Variants in COL24A1 observed in about 807,000 individuals in gnomAD.
COL24A1 encodes the protein collagen alpha-1(XXIV) chain.
Under a neutral mutation model 253.9 loss-of-function variants are expected in COL24A1, and 224 were observed. The observed-to-expected ratio is 0.88, with a 90% CI of 0.79 to 0.99. The LOEUF is 0.99. Ranked by LOEUF, COL24A1 falls within the 50% of genes least tolerant of loss-of-function variation. The pLI is 0.00. For synonymous variants in COL24A1, 685 were observed against 673.7 expected, an observed-to-expected ratio of 1.02 and a Z score of -0.26; for missense variants, 2,131 against 2,068.5, an observed-to-expected ratio of 1.03 and a Z score of -0.59.
At chr1:85,997,217 C>T (rs969075804) in intron 19 of COL24A1, among the ~76,000 whole-genome samples, 8 of 151,342 alleles carry the variant, frequency 5.3e-5, no homozygotes, top group Middle Eastern at 3.4e-3. Flanking sequence ...AAGGAGAGTG[C>T]ATTTTCAGCT....
chr1:86,010,340 T>C (rs1188501187), intron 19 of COL24A1, among the ~76,000 whole-genome samples: 1 of 152,144 alleles, frequency 6.6e-6, no homozygotes, highest in African/African-American at 2.4e-5. Flanking sequence ...ATTTCCCTAA[T>C]ACCCAAATAA....
intron 53 of COL24A1, among the ~76,000 whole-genome samples, chr1:85,773,204 C>A (rs151259650): frequency 0.029 from 4,380 of 152,114 alleles, 209 homozygotes; most frequent in African/African-American, 0.1. Flanking sequence ...ATTTCTGAGG[C>A]CTCCGTTCTG....
chr1:85,968,640 C>A (rs537585388), intron 22 of COL24A1, among the ~76,000 whole-genome samples: 56 of 152,170 alleles, frequency 3.7e-4, no homozygotes, highest in Admixed American at 1.0e-3. Flanking sequence ...TAGATTTTTT[C>A]TATGATATTT....
chr1:85,816,485 A>G (rs1673049460), intron 47 of COL24A1, among the ~76,000 whole-genome samples: 1 of 152,250 alleles, frequency 6.6e-6, no homozygotes, highest in Non-Finnish European at 1.5e-5. Flanking sequence ...AACTCAAAGT[A>G]CAGCCAGGTT....
intron 33 of COL24A1, among the ~76,000 whole-genome samples, chr1:85,876,318 G>A (rs951312238): frequency 6.6e-6 from 1 of 152,094 alleles, no homozygotes; most frequent in African/African-American, 2.4e-5. Flanking sequence ...AGAAGAAGGA[G>A]TCTAGGATGA....
intron 31 of COL24A1, among the ~76,000 whole-genome samples, chr1:85,894,699 A>G (rs1373201949): frequency 6.6e-6 from 1 of 152,134 alleles, no homozygotes; most frequent in East Asian, 1.9e-4. Flanking sequence ...GAATATTAAA[A>G]CTCAAGTAAT....
chr1:85,968,994 A>T (rs1691845826), intron 22 of COL24A1, among the ~76,000 whole-genome samples: 1 of 152,168 alleles, frequency 6.6e-6, no homozygotes, highest in Non-Finnish European at 1.5e-5. Context: ...TGTTTTCAGG[A>T]TTAAAGATGA....
chr1:86,152,936 C>G (rs935088961), intron 1 of COL24A1, among the ~76,000 whole-genome samples: 1 of 152,144 alleles, frequency 6.6e-6, no homozygotes. Flanking sequence ...AAAGTCAAGT[C>G]TCCCCAACCT....
In COL24A1 at chr1:85,744,573, C is replaced by A. The variant is rs1570426988; in HGVS notation, c.4672+93G>T. 2.7e-6 allele frequency: 3 copies of A among 1,091,764 alleles called. No homozygotes were observed. In the East Asian group the frequency reaches 7.3e-5, roughly 27 times the overall value. 67.6% of individuals were successfully genotyped at this position (1,091,764 alleles called of 1,614,324 possible). A position where few individuals can be genotyped will look rare whatever the true frequency, so the allele number is the denominator to read the frequency against. ...TTCTGCCAGGGTTTTATCAAACTAACTATGATTTGGAGTGAACACATTACA... is the reference window on the plus strand; with the variant it reads ...TTCTGCCAGGGTTTTATCAAACTAAATATGATTTGGAGTGAACACATTACA... On this transcript the variant is annotated intron_variant, in intron 57 of 59. Transcript: ENST00000370571.
At chr1:85,867,477 T>C (rs751503560) in intron 37 of COL24A1, among the ~76,000 whole-genome samples, 1 of 152,148 alleles carries the variant, frequency 6.6e-6, no homozygotes, top group Non-Finnish European at 1.5e-5. Context: ...AAAGGCAGAA[T>C]AAAACTGCCA....
At chr1:86,141,660 C>T (rs1038928272) in intron 2 of COL24A1, among the ~76,000 whole-genome samples, 12 of 152,018 alleles carry the variant, frequency 7.9e-5, no homozygotes, top group African/African-American at 2.9e-4. Context: ...GTTAACTAGC[C>T]TACCCATGCA....
chr1:86,130,564 C>G (rs1002784268), intron 2 of COL24A1, among the ~76,000 whole-genome samples: 1 of 151,794 alleles, frequency 6.6e-6, no homozygotes, highest in Non-Finnish European at 1.5e-5. Context: ...TCTATTAATT[C>G]TTTCCTTTAC....
chr1:85,902,006 T>G (rs1464755017), intron 28 of COL24A1, among the ~76,000 whole-genome samples: 1 of 152,038 alleles, frequency 6.6e-6, no homozygotes, highest in Non-Finnish European at 1.5e-5. Flanking sequence ...GACAAATGGA[T>G]AAATAAAGTG....
At chr1:86,150,674 A>C (rs1652637691) in intron 1 of COL24A1, among the ~76,000 whole-genome samples, 1 of 152,190 alleles carries the variant, frequency 6.6e-6, no homozygotes, top group Admixed American at 6.5e-5. Flanking sequence ...GAGCCAAACC[A>C]TTATTGTATA....
At position 86,112,643 on chromosome 1, in the gene COL24A1, T is replaced by C. The variant is rs763159846; in HGVS notation, c.1546-23A>G. The stretch of plus-strand genomic sequence containing the variant: ...GCCCTGCAAGTAACGAAAAAAGTCA[T>C]CATTCTTGGAACATACTGGAATGGA... On this transcript the variant is annotated intron_variant, in intron 4 of 59. Transcript: ENST00000370571. 3 of 1,610,526 alleles carry C rather than the reference T, an allele frequency of 1.9e-6. No individual in the cohort carries two copies. In the East Asian group the frequency reaches 6.7e-5, roughly 36 times the overall value.
chr1:85,743,275 C>T (rs1215955577), intron 57 of COL24A1, among the ~76,000 whole-genome samples: 1 of 152,108 alleles, frequency 6.6e-6, no homozygotes, highest in Non-Finnish European at 1.5e-5. Flanking sequence ...TTCATACTGG[C>T]TTTCTTGCTA....
At chr1:86,035,762 C>T (rs71506583) in intron 12 of COL24A1, among the ~76,000 whole-genome samples, 19,059 of 152,062 alleles carry the variant, frequency 0.13, 1,302 homozygotes, top group Middle Eastern at 0.14. Context: ...AAAAAACAAC[C>T]TGAACAAGGA....
rs906608547 is a variant in COL24A1, at chr1:85,907,333, C to A, written c.2725-86G>T. The A allele has an allele frequency of 2.9e-5, 33 of 1,123,430 alleles. No individual in the cohort carries two copies. In the African/African-American group the frequency reaches 4.0e-4, roughly 14 times the overall value. The allele number at this position is 1,123,430 out of a possible 1,614,324, so 69.6% of individuals were successfully genotyped here. On this transcript the variant is annotated intron_variant, in intron 27 of 59. Coordinates refer to ENST00000370571, the MANE Select transcript of COL24A1 (RefSeq NM_152890.7). ...CCATAATCTTTCTTATAACATATAT[C>A]CTTCTCCCAGGACATTTTTACAATT...
Position 86,135,099 on chromosome 1 carries a change from C to T in COL24A1, c.122-8885G>A, listed in dbSNP as rs553943564. ...TGTTGAATTGATCCCTTTACCATTA[C>T]GTAATGGCCTTCTTTGTCTCTTTTG... On this transcript the variant is annotated intron_variant, in intron 2 of 59. Transcript: ENST00000370571. 2.7e-3 allele frequency among the ~76,000 whole-genome samples: 417 copies of T among 151,952 alleles called. 2 individuals are homozygous for T. The highest frequency in any genetic ancestry group is 9.3e-3 in the African/African-American group (387 of 41,444).
Sources: allele counts gnomAD v4.1 joint callset (sites outside exome capture counted in the v4.1 genomes callset), GRCh38; gene constraint gnomAD v4.1.1; transcripts MANE v1.5; gene names NCBI Gene and HGNC (gene_info 2026-07-23, HGNC 2026-07-21).